Variants in GPRIN3 observed in about 807,000 individuals in gnomAD.
GPRIN3 encodes G protein-regulated inducer of neurite outgrowth 3.
In GPRIN3, 12 loss-of-function variants were observed where a neutral mutation model predicts 13.7. That is an observed-to-expected ratio of 0.87 (90% CI 0.56 to 1.42). The LOEUF (loss-of-function observed/expected upper bound fraction) is 1.42. Among genes scored for constraint, GPRIN3 ranks in the 40% most tolerant of loss-of-function variants. The pLI, the probability that GPRIN3 is intolerant of heterozygous loss-of-function variation, is 0.00. For missense variants in GPRIN3, 1,009 were observed against 958.7 expected, an observed-to-expected ratio of 1.05 and a Z score of -0.69; for synonymous variants, 377 against 372.7, an observed-to-expected ratio of 1.01 and a Z score of -0.13.
chr4:89,286,091 G>GTGTATATATATATATATATA (rs1039903535), intron 1 of GPRIN3, among the ~76,000 whole-genome samples: 1 of 146,658 alleles, frequency 6.8e-6, no homozygotes, highest in Admixed American at 6.8e-5. Context: ...ATGTGTGTGT[G>GTGTATATATATATATATATA]TATATATATA....
At chr4:89,302,678 C>T (rs1330341998) in intron 1 of GPRIN3, among the ~76,000 whole-genome samples, 7 of 152,054 alleles carry the variant, frequency 4.6e-5, no homozygotes, top group Non-Finnish European at 1.0e-4. Context: ...CAAGAGAGTA[C>T]GTAATTTAAA....
Position 89,257,986 on chromosome 4 carries a change from T to C in GPRIN3, c.-123-7753A>G, listed in dbSNP as rs1578080956. The stretch of plus-strand genomic sequence containing the variant: ...ACATGCATGTACGTGTACACACACA[T>C]ATTTGCAGATCATTTTAGAAGGTTT... On this transcript the variant is annotated intron_variant, in intron 1 of 1. Coordinates refer to ENST00000609438, the MANE Select transcript of GPRIN3 (RefSeq NM_198281.3). Among the ~76,000 whole-genome samples, 3 of 151,936 alleles carry C rather than the reference T, an allele frequency of 2.0e-5. No individual in the cohort carries two copies. The South Asian group carries it at 6.2e-4, about 32-fold the overall frequency.
rs1578060550 is a variant in GPRIN3, at chr4:89,241,076, G to A, written c.*6704C>T. On this transcript the variant is annotated 3_prime_UTR_variant, in exon 2 of 2. Transcript: ENST00000609438. The stretch of plus-strand genomic sequence containing the variant: ...TGTGAGGAATGTAAATTATCCCAGT[G>A]GTCAAAGAACTGACCTTACCTGTGA... 1 of 152,122 alleles carries A rather than the reference G, an allele frequency of 6.6e-6. No individual in the cohort carries two copies. Among genetic ancestry groups the A allele is most frequent in the African/African-American group, 2.4e-5 (1 of 41,494 alleles). The allele number at this position is 152,122 out of a possible 1,614,324, so 9.4% of individuals were successfully genotyped here. A position where few individuals can be genotyped will look rare whatever the true frequency, so the allele number is the denominator to read the frequency against.
intron 1 of GPRIN3, among the ~76,000 whole-genome samples, chr4:89,305,444 C>G (rs906731427): frequency 6.6e-6 from 1 of 152,090 alleles, no homozygotes; most frequent in African/African-American, 2.4e-5. Context: ...AGGACCATGT[C>G]CAGTCCAGGA....
chr4:89,281,528 T>G (rs1488947409), intron 1 of GPRIN3, among the ~76,000 whole-genome samples: 2 of 152,148 alleles, frequency 1.3e-5, no homozygotes, highest in Admixed American at 6.5e-5. Flanking sequence ...ATCTGCCCCA[T>G]GATCCAATCA....
At chr4:89,304,419 C>A (rs892163170) in intron 1 of GPRIN3, among the ~76,000 whole-genome samples, 1 of 151,538 alleles carries the variant, frequency 6.6e-6, no homozygotes, top group Non-Finnish European at 1.5e-5. Flanking sequence ...CACACACATA[C>A]GTATATATAT....
At chr4:89,285,452 C>A (rs1724377115) in intron 1 of GPRIN3, among the ~76,000 whole-genome samples, 1 of 152,250 alleles carries the variant, frequency 6.6e-6, no homozygotes, top group Admixed American at 6.5e-5. Flanking sequence ...ATCAATTAAA[C>A]TTTTTCTTTA....
At chr4:89,307,154 A>G (rs1450951080) in intron 1 of GPRIN3, among the ~76,000 whole-genome samples, 3 of 151,870 alleles carry the variant, frequency 2.0e-5, no homozygotes, top group Non-Finnish European at 4.4e-5. Flanking sequence ...AAACCTATTT[A>G]CATATGCATT....
intron 1 of GPRIN3, among the ~76,000 whole-genome samples, chr4:89,264,911 G>A (rs561909801): frequency 6.6e-6 from 1 of 152,126 alleles, no homozygotes; most frequent in South Asian, 2.1e-4. Context: ...AAGCTTCAAG[G>A]GGGCAAGATT....
chr4:89,304,602 ATT>A (rs1561239381), intron 1 of GPRIN3, among the ~76,000 whole-genome samples: 1 of 152,170 alleles, frequency 6.6e-6, no homozygotes. Context: ...TATTTCTCTC[ATT>A]TAAAAAATAA....
At position 89,274,327 on chromosome 4, in the gene GPRIN3, G is replaced by C. The variant is rs192127179; in HGVS notation, c.-123-24094C>G. 2.1e-3 allele frequency among the ~76,000 whole-genome samples: 317 copies of C among 152,286 alleles called. 9 individuals carry two copies. The highest frequency in any genetic ancestry group is 0.019 in the Admixed American group (298 of 15,290). ...GTTGTTGCTATCCTTACTAAGGTGT[G>C]GGATAACAGCAAGGAAGCTGAAATG... On this transcript the variant is annotated intron_variant, in intron 1 of 1. Coordinates refer to ENST00000609438, the MANE Select transcript of GPRIN3 (RefSeq NM_198281.3).
At position 89,255,776 on chromosome 4, in the gene GPRIN3, C is replaced by T. The variant is rs111562240; in HGVS notation, c.-123-5543G>A. On this transcript the variant is annotated intron_variant, in intron 1 of 1. Coordinates refer to ENST00000609438, the MANE Select transcript of GPRIN3 (RefSeq NM_198281.3). ...ACTCTGCAAAAGATGAACACAGATG[C>T]CTAAGGTCAAGACCTGGTTGAGAAG... 3.9e-3 allele frequency among the ~76,000 whole-genome samples: 589 copies of T among 152,238 alleles called. 3 individuals carry two copies. The highest frequency in any genetic ancestry group is 0.013 in the African/African-American group (545 of 41,534).
chr4:89,255,061 T>C (rs1378912266), intron 1 of GPRIN3, among the ~76,000 whole-genome samples: 2 of 152,198 alleles, frequency 1.3e-5, no homozygotes, highest in African/African-American at 4.8e-5. Context: ...TGTGTGCAGC[T>C]GGGTTTGAAG....
chr4:89,289,236 A>G (rs1724506109), intron 1 of GPRIN3, among the ~76,000 whole-genome samples: 1 of 151,282 alleles, frequency 6.6e-6, no homozygotes, highest in Admixed American at 6.6e-5. Flanking sequence ...CTATTACATA[A>G]TAAGTGCGGG....
chr4:89,249,221 TC>T lies in GPRIN3; in HGVS notation c.889del (p.Glu297LysfsTer5), dbSNP rs1723232984. On this transcript the variant is annotated frameshift_variant, in exon 2 of 2. Coordinates refer to ENST00000609438, the MANE Select transcript of GPRIN3 (RefSeq NM_198281.3). LOFTEE classifies it low-confidence loss of function (END_TRUNC). ...AGCTTGGTTGGTCATCGTACTGGCTTCTTTGAACCTTGACATCTGACGCTGT... is the reference window on the plus strand; with the variant it reads ...AGCTTGGTTGGTCATCGTACTGGCTTTTTGAACCTTGACATCTGACGCTGT... ...PAQRQMSRFK[E>X]ASTMTNQAES... is the part of the protein sequence containing the mutation. The T allele has an allele frequency of 6.2e-7, 1 of 1,614,120 alleles. No individual in the cohort carries two copies. Among genetic ancestry groups the T allele is most frequent in the East Asian group, 2.2e-5 (1 of 44,880 alleles).
rs1006509824 is a variant in GPRIN3 at position 89,249,897 on chromosome 4, C to T, written c.214G>A (p.Glu72Lys). The change falls in exon 2 of 2, where the codon GAG becomes AAG. Residue 72 changes from glutamate to lysine, a missense_variant. Coordinates refer to ENST00000609438, the MANE Select transcript of GPRIN3 (RefSeq NM_198281.3). ...GAAGACATATCTGGTTGGGTGGTCT[C>T]ATGCTCACAAACCTGCATCAGGGCT... ...AEALMQVCEH[E>K]TTQPDMSSPG... 7 of 1,614,104 alleles carry T rather than the reference C, an allele frequency of 4.3e-6. No individual in the cohort carries two copies. The highest frequency in any genetic ancestry group is 5.9e-6 in the Non-Finnish European group (7 of 1,180,032).
chr4:89,291,351 T>C (rs1376648512), intron 1 of GPRIN3, among the ~76,000 whole-genome samples: 1 of 152,094 alleles, frequency 6.6e-6, no homozygotes, highest in East Asian at 1.9e-4. Context: ...AGTCAAACTC[T>C]CCTCACCTTT....
chr4:89,273,326 T>A (rs1724009314), intron 1 of GPRIN3, among the ~76,000 whole-genome samples: 1 of 152,182 alleles, frequency 6.6e-6, no homozygotes, highest in Non-Finnish European at 1.5e-5. Context: ...TCAAACAGAT[T>A]TATGGCAACA....
At chr4:89,253,836 T>C (rs1723395024) in intron 1 of GPRIN3, among the ~76,000 whole-genome samples, 1 of 152,212 alleles carries the variant, frequency 6.6e-6, no homozygotes, top group African/African-American at 2.4e-5. Flanking sequence ...ATCTGTCTGC[T>C]AATGGAATTG....
Sources: gnomAD v4.1 joint callset for allele counts (sites outside exome capture counted in the v4.1 genomes callset) on GRCh38, gnomAD v4.1.1 for gene constraint, MANE v1.5 for transcripts, NCBI Gene and HGNC (gene_info 2026-07-23, HGNC 2026-07-21) for gene names.